ZFHX4: variants seen among roughly 807,000 people sequenced by gnomAD.
ZFHX4 encodes zinc finger homeobox 4.
In ZFHX4, 56 loss-of-function variants were observed where a neutral mutation model predicts 267.6. That is an observed-to-expected ratio of 0.21 (90% CI 0.17 to 0.26). The LOEUF (loss-of-function observed/expected upper bound fraction) is 0.26, where lower values mean the gene tolerates loss of function less well. Ranked by LOEUF, ZFHX4 falls within the 10% of genes least tolerant of loss-of-function variation. The pLI is 1.00. For synonymous variants in ZFHX4, 1,778 were observed against 1,665.6 expected (o/e 1.07, Z -1.64); for missense variants, 4,332 against 4,420.0 (o/e 0.98, Z 0.56).
chr8:76,816,237 G>C (rs911016302), intron 4 of ZFHX4, among the ~76,000 whole-genome samples: 1 of 152,172 alleles, frequency 6.6e-6, no homozygotes, highest in Non-Finnish European at 1.5e-5. Flanking sequence ...TGAGTGGAAA[G>C]TTTTAAAAGA....
At chr8:76,792,829 C>A (rs1810874194) in intron 4 of ZFHX4, among the ~76,000 whole-genome samples, 1 of 152,128 alleles carries the variant, frequency 6.6e-6, no homozygotes, top group Admixed American at 6.6e-5. Context: ...ACACCCCTGC[C>A]ATTAACTGTC....
chr8:76,827,912 C>T (rs1563544847), intron 4 of ZFHX4, among the ~76,000 whole-genome samples: 1 of 152,208 alleles, frequency 6.6e-6, no homozygotes, highest in Non-Finnish European at 1.5e-5. Context: ...GCATCCAATG[C>T]ACTTCAATCT....
chr8:76,804,214 G>A (rs1811190883), intron 4 of ZFHX4, among the ~76,000 whole-genome samples: 1 of 152,152 alleles, frequency 6.6e-6, no homozygotes, highest in African/African-American at 2.4e-5. Context: ...TGGAAGCAAC[G>A]TGAGGAAAAC....
In ZFHX4 at chr8:76,851,245, A is replaced by T. The variant is rs1273500828; in HGVS notation, c.4324A>T (p.Lys1442Ter). 6.2e-7 allele frequency: 1 copy of T among 1,613,872 alleles called. No homozygotes were observed. Among genetic ancestry groups the T allele is most frequent in the East Asian group, 2.2e-5 (1 of 44,822 alleles). ...RSFRTFQALK[K>*]HLEAGHPELS... ...TTTCCGTACATTCCAGGCTTTAAAA[A>T]AACACTTGGAAGCAGGCCACCCTGA... is the stretch of plus-strand genomic sequence containing the variant. The change falls in exon 10 of 11, where the codon AAA becomes TAA. Residue 1442 changes from lysine (K) to a stop codon, truncating the protein, a stop_gained. Transcript: ENST00000651372. LOFTEE classifies it high-confidence loss of function.
intron 3 of ZFHX4, among the ~76,000 whole-genome samples, chr8:76,765,833 A>G (rs1299634365): frequency 6.6e-6 from 1 of 152,098 alleles, no homozygotes; most frequent in Admixed American, 6.6e-5. Context: ...ATAAAAAAGA[A>G]AAGATGATGA....
chr8:76,848,911 G>T (rs1812433484), intron 6 of ZFHX4, 84 bp from the exon 7 acceptor site: 2 of 1,321,866 alleles, frequency 1.5e-6, no homozygotes, highest in Admixed American at 6.7e-5. Flanking sequence ...TGTGTTTAGA[G>T]TCGCAAATGT....
intron 1 of ZFHX4, among the ~76,000 whole-genome samples, chr8:76,699,715 G>T: frequency 7.1e-6 from 1 of 140,636 alleles, no homozygotes; most frequent in African/African-American, 2.7e-5. Flanking sequence ...ATACAGCCTT[G>T]TACACAAAAG....
At chr8:76,775,734 AG>A (rs1486180197) in intron 3 of ZFHX4, among the ~76,000 whole-genome samples, 1 of 152,102 alleles carries the variant, frequency 6.6e-6, no homozygotes, top group Non-Finnish European at 1.5e-5. Flanking sequence ...ATCAGATAAT[AG>A]GAGCCTTGCT....
intron 3 of ZFHX4, among the ~76,000 whole-genome samples, chr8:76,740,180 C>A (rs1809278187): frequency 6.6e-6 from 1 of 151,952 alleles, no homozygotes; most frequent in Admixed American, 6.6e-5. Flanking sequence ...TAAGGTTCAT[C>A]TAGAAAAATT....
rs746326728 is a variant in ZFHX4 at position 76,855,915 on chromosome 8, T to A, written c.8994T>A (p.Asn2998Lys). ...KINIGKPFMI[N>K]QGGTEGTKPE... The stretch of plus-strand genomic sequence containing the variant: ...ACATAGGGAAGCCTTTCATGATCAA[T>A]CAAGGCGGAACGGAAGGCACCAAAC... The change falls in exon 10 of 11, where the codon AAT (asparagine) becomes AAA (lysine). Residue 2998 changes from asparagine (N) to lysine (K), a missense_variant. Around this residue, in one of 7 missense-constraint regions of ZFHX4, gnomAD observed 1,648 missense variants for 1,625.0 expected, o/e 1.01. Transcript: ENST00000651372. 7 of 1,613,858 alleles carry A rather than the reference T, an allele frequency of 4.3e-6. No homozygotes were observed. The highest frequency in any genetic ancestry group is 5.9e-6 in the Non-Finnish European group (7 of 1,179,852).
At chr8:76,759,400 C>T (rs1259699462) in intron 3 of ZFHX4, among the ~76,000 whole-genome samples, 1 of 152,220 alleles carries the variant, frequency 6.6e-6, no homozygotes, top group Non-Finnish European at 1.5e-5. Flanking sequence ...GATAGGCTGA[C>T]TCTCAGCTTT....
intron 4 of ZFHX4, among the ~76,000 whole-genome samples, chr8:76,801,389 G>A (rs1293018382): frequency 2.0e-5 from 3 of 152,252 alleles, no homozygotes; most frequent in East Asian, 3.9e-4. Context: ...TGATTTAAAA[G>A]GACCGTTTAA....
chr8:76,709,287 A>G (rs973094876), intron 3 of ZFHX4, among the ~76,000 whole-genome samples: 4 of 152,184 alleles, frequency 2.6e-5, no homozygotes, highest in African/African-American at 7.2e-5. Context: ...TTCCTGTGAT[A>G]TTGGCACTCT....
chr8:76,826,794 A>C (rs1008825419), intron 4 of ZFHX4, among the ~76,000 whole-genome samples: 1 of 152,228 alleles, frequency 6.6e-6, no homozygotes, highest in South Asian at 2.1e-4. Context: ...CATTATACCT[A>C]TAGGCAACAA....
chr8:76,705,549 A>G lies in ZFHX4; in HGVS notation c.1461A>G (p.Val487=). The part of the protein sequence containing the change: ...AYSNELDDEE[V]LGELTDSIGN... Reference sequence around the variant, plus strand: ...CCAATGAACTTGATGACGAGGAAGTATTAGGTGAACTCACCGATAGTATTG... The same window carrying G: ...CCAATGAACTTGATGACGAGGAAGTGTTAGGTGAACTCACCGATAGTATTG... Residue 487 remains valine, a synonymous_variant, in exon 2 of 11, where the codon GTA becomes GTG. Coordinates refer to ENST00000651372, the MANE Select transcript of ZFHX4 (RefSeq NM_024721.5). 6.2e-7 allele frequency: 1 copy of G among 1,613,702 alleles called. No homozygotes were observed. The highest frequency in any genetic ancestry group is 2.2e-5 in the East Asian group (1 of 44,880).
rs80344579 is a variant in ZFHX4, at chr8:76,785,904, A to G, written c.3325+7465A>G. ...AATAAACTGGTTATCTGTTACCAGT[A>G]AAACAGTCCAGATTTTGACTCTGAA... On this transcript the variant is annotated intron_variant, in intron 4 of 10. Transcript: ENST00000651372. Among the ~76,000 whole-genome samples the G allele has an allele frequency of 8.8e-3, 1,347 of 152,312 alleles. 22 individuals carry two copies. The highest frequency in any genetic ancestry group is 0.029 in the African/African-American group (1,205 of 41,580).
chr8:76,845,077 A>G (rs1436348497), intron 6 of ZFHX4, among the ~76,000 whole-genome samples: 1 of 152,134 alleles, frequency 6.6e-6, no homozygotes, highest in Non-Finnish European at 1.5e-5. Flanking sequence ...CAACTTTAAC[A>G]TAGAATTTTT....
At chr8:76,769,382 C>T (rs1810198835) in intron 3 of ZFHX4, among the ~76,000 whole-genome samples, 1 of 151,370 alleles carries the variant, frequency 6.6e-6, no homozygotes, top group Non-Finnish European at 1.5e-5. Context: ...CAGGGTCTTG[C>T]TCTGTTGCCC....
intron 1 of ZFHX4, among the ~76,000 whole-genome samples, chr8:76,697,338 A>G (rs975968503): frequency 1.3e-5 from 2 of 151,948 alleles, no homozygotes; most frequent in African/African-American, 2.4e-5. Flanking sequence ...CGGTATATCT[A>G]TTTTTGAAGC....
Sources: gnomAD v4.1 joint callset for allele counts (sites outside exome capture counted in the v4.1 genomes callset) on GRCh38, gnomAD v4.1.1 for gene constraint, gnomAD v4.1.1 regional missense constraint, MANE v1.5 for transcripts, NCBI Gene and HGNC (gene_info 2026-07-23, HGNC 2026-07-21) for gene names.